The following LGR5 variants were observed in gnomAD, a reference collection of about 807,000 sequenced individuals.
LGR5 encodes the protein leucine rich repeat containing G protein-coupled receptor 5.
Under a neutral mutation model 76.7 loss-of-function variants are expected in LGR5, and 54 were observed. The observed-to-expected ratio is 0.70, with a 90% CI of 0.57 to 0.88. LGR5 has a LOEUF of 0.88. LGR5 is among the 40% of genes least tolerant of loss of function. LGR5 has a pLI of 0.00. For synonymous variants in LGR5, 406 were observed against 421.9 expected, an observed-to-expected ratio of 0.96 and a Z score of 0.46; for missense variants, 1,078 against 1,073.3, an observed-to-expected ratio of 1.00 and a Z score of -0.06.
chr12:71,545,744 CA>C (rs1431667155), intron 4 of LGR5, among the ~76,000 whole-genome samples: 3 of 151,936 alleles, frequency 2.0e-5, no homozygotes, highest in Non-Finnish European at 1.5e-5. Flanking sequence ...AACAAAGATA[CA>C]GATTTGTGTG....
chr12:71,514,567 C>CA (rs11417758), intron 2 of LGR5, among the ~76,000 whole-genome samples: 119,646 of 136,276 alleles, frequency 0.88, 53,366 homozygotes, highest in East Asian at 0.99. Context: ...GACTCCCTCT[C>CA]AAAAAAAAAA....
chr12:71,571,640 A>G, intron 12 of LGR5, 61 bp downstream of exon 12: 4 of 1,226,620 alleles, frequency 3.3e-6, no homozygotes, highest in East Asian at 2.3e-5. Flanking sequence ...CACATTTCTC[A>G]GGGTCACTGG....
At chr12:71,566,180 A>G (rs550562651) in intron 8 of LGR5, among the ~76,000 whole-genome samples, 1 of 152,320 alleles carries the variant, frequency 6.6e-6, no homozygotes, top group African/African-American at 2.4e-5. Context: ...CCTTGTTGTC[A>G]GAAATCTTCA....
intron 4 of LGR5, among the ~76,000 whole-genome samples, chr12:71,539,335 G>T (rs1165207600): frequency 6.6e-6 from 1 of 152,154 alleles, no homozygotes; most frequent in Non-Finnish European, 1.5e-5. Context: ...TAGGAAATTT[G>T]ATACACTGAA....
At chr12:71,557,105 G>T (rs982972608) in intron 6 of LGR5, among the ~76,000 whole-genome samples, 1 of 152,148 alleles carries the variant, frequency 6.6e-6, no homozygotes, top group South Asian at 2.1e-4. Context: ...AACAGTGATG[G>T]CTCATGCTAA....
At chr12:71,548,617 T>A (rs1457021011) in intron 4 of LGR5, among the ~76,000 whole-genome samples, 1 of 152,208 alleles carries the variant, frequency 6.6e-6, no homozygotes, top group Non-Finnish European at 1.5e-5. Context: ...ATCATTAAGG[T>A]ACTTTAGATT....
In LGR5 at chr12:71,566,822, C is replaced by G; in HGVS notation, c.999-19C>G. On this transcript the variant is annotated intron_variant, in intron 10 of 17. Transcript: ENST00000266674. ...TGATGCCTGAATGAAAGAATTATGT[C>G]TGGTTTGTGTTTTAACAGGACTTTA... is the stretch of plus-strand genomic sequence containing the variant. 6.2e-7 allele frequency: 1 copy of G among 1,609,652 alleles called. No individual in the cohort carries two copies. The highest frequency in any genetic ancestry group is 1.1e-5 in the South Asian group (1 of 90,998).
At chr12:71,496,391 A>AAAAAGAG (rs1555169618) in intron 1 of LGR5, among the ~76,000 whole-genome samples, 15 of 115,052 alleles carry the variant, frequency 1.3e-4, no homozygotes, top group African/African-American at 2.0e-4. Flanking sequence ...AAAAAAAAAA[A>AAAAAGAG]AGAGAGAGAG....
At chr12:71,500,255 C>T (rs1040833717) in intron 1 of LGR5, among the ~76,000 whole-genome samples, 1 of 152,110 alleles carries the variant, frequency 6.6e-6, no homozygotes, top group African/African-American at 2.4e-5. Flanking sequence ...GAAACAGTAC[C>T]TTTAATTATC....
intron 3 of LGR5, 34 bp downstream of exon 3, chr12:71,524,511 G>T (rs1565719321): frequency 6.8e-7 from 1 of 1,461,660 alleles, no homozygotes; most frequent in Non-Finnish European, 9.6e-7. Flanking sequence ...ATATATTTCT[G>T]ATTTTAGTGT....
chr12:71,471,205 T>TG (rs921328178), intron 1 of LGR5, among the ~76,000 whole-genome samples: 20 of 152,174 alleles, frequency 1.3e-4, no homozygotes, highest in African/African-American at 4.6e-4. Flanking sequence ...TCAACCATAA[T>TG]GGGTAAGAAT....
chr12:71,529,891 G>A (rs1876214318), intron 3 of LGR5, among the ~76,000 whole-genome samples: 1 of 151,704 alleles, frequency 6.6e-6, no homozygotes, highest in Non-Finnish European at 1.5e-5. Context: ...GGGAGGCAGA[G>A]GCTGCAGTGA....
chr12:71,571,325 C>T (rs1235639680), intron 11 of LGR5, 189 bp from the exon 12 acceptor site: 11 of 446,404 alleles, frequency 2.5e-5, no homozygotes, highest in Non-Finnish European at 4.4e-5. Context: ...AGTTACATTT[C>T]AGTAAACATT....
intron 12 of LGR5, among the ~76,000 whole-genome samples, chr12:71,572,424 A>G (rs1218604994): frequency 6.6e-6 from 1 of 152,196 alleles, no homozygotes; most frequent in Non-Finnish European, 1.5e-5. Flanking sequence ...TGATCAAAAC[A>G]ATATTCACCA....
In LGR5 at chr12:71,506,367, G is replaced by A. The variant is rs561930259; in HGVS notation, c.284+1682G>A. Among the ~76,000 whole-genome samples, 5 of 151,884 alleles carry A rather than the reference G, an allele frequency of 3.3e-5. No homozygotes were observed. In the East Asian group the frequency reaches 9.7e-4, roughly 29 times the overall value. On this transcript the variant is annotated intron_variant, in intron 2 of 17. Transcript: ENST00000266674. ...ATCAATAAATAATTCACTTCCCCAA[G>A]GACTTTGTTTAATAGATTTCCTCCC...
chr12:71,459,684 C>T (rs1872615440), intron 1 of LGR5, among the ~76,000 whole-genome samples: 2 of 152,026 alleles, frequency 1.3e-5, no homozygotes, highest in Admixed American at 1.3e-4. Context: ...GGAAGACAGG[C>T]AAGAAAACAA....
intron 2 of LGR5, among the ~76,000 whole-genome samples, chr12:71,520,130 C>T (rs1875654409): frequency 6.6e-6 from 1 of 151,664 alleles, no homozygotes; most frequent in Admixed American, 6.6e-5. Context: ...TTCACAAGAG[C>T]CAAAAGATGG....
chr12:71,574,372 T>A (rs1033421343), intron 13 of LGR5, among the ~76,000 whole-genome samples: 7 of 132,714 alleles, frequency 5.3e-5, no homozygotes, highest in African/African-American at 1.7e-4. Context: ...CTCTGAAGAA[T>A]AAATGTCTGA....
rs758809082 is a variant in LGR5 at position 71,584,449 on chromosome 12, A to G, written c.2439A>G (p.Ala813=). 1.2e-6 allele frequency: 2 copies of G among 1,614,182 alleles called. No homozygotes were observed. Among genetic ancestry groups the G allele is most frequent in the African/African-American group, 2.7e-5 (2 of 75,052 alleles). ...TTCTGGTGGTAGTCCCACTTCCTGC[A>G]TGTCTCAATCCCCTTCTCTACATCT... ...FILLVVVPLP[A]CLNPLLYILF... is the part of the protein sequence containing the mutation. Residue 813 remains alanine, a synonymous_variant, in exon 18 of 18, where the codon GCA becomes GCG. Coordinates refer to ENST00000266674, the MANE Select transcript of LGR5 (RefSeq NM_003667.4).
Sources: allele counts gnomAD v4.1 joint callset (sites outside exome capture counted in the v4.1 genomes callset), GRCh38; gene constraint gnomAD v4.1.1; transcripts MANE v1.5; gene names NCBI Gene and HGNC (gene_info 2026-07-23, HGNC 2026-07-21).